The following CYP7B1 variants were observed in gnomAD, a reference collection of about 807,000 sequenced individuals.
CYP7B1 encodes cytochrome P450 7B1.
CYP7B1 carries 29 observed loss-of-function variants against 42.7 expected under a neutral mutation model. The ratio of observed to expected loss-of-function variants is 0.68; its 90% CI spans 0.51 to 0.93. The LOEUF (loss-of-function observed/expected upper bound fraction) is 0.93, where lower values mean the gene tolerates loss of function less well. Ranked by LOEUF, CYP7B1 falls within the 40% of genes least tolerant of loss-of-function variation. The pLI, the probability that CYP7B1 is intolerant of heterozygous loss-of-function variation, is 0.00. For missense variants in CYP7B1, 655 were observed against 600.5 expected, an observed-to-expected ratio of 1.09 and a Z score of -0.95; for synonymous variants, 235 against 218.2, an observed-to-expected ratio of 1.08 and a Z score of -0.68.
intron 1 of CYP7B1, among the ~76,000 whole-genome samples, chr8:64,667,970 T>A (rs1459841930): frequency 6.6e-6 from 1 of 152,220 alleles, no homozygotes; most frequent in Non-Finnish European, 1.5e-5. Flanking sequence ...AAATTCTCTG[T>A]ACAACTCTGA....
At chr8:64,764,081 T>G (rs1167461852) in intron 1 of CYP7B1, among the ~76,000 whole-genome samples, 11 of 152,090 alleles carry the variant, frequency 7.2e-5, no homozygotes, top group Non-Finnish European at 1.5e-4. Flanking sequence ...CCTCCCAATT[T>G]AGGTATACAG....
At chr8:64,637,813 T>C (rs1805795856) in intron 1 of CYP7B1, among the ~76,000 whole-genome samples, 2 of 152,186 alleles carry the variant, frequency 1.3e-5, no homozygotes, top group Admixed American at 6.6e-5. Flanking sequence ...GCCTCATTTC[T>C]ATGTACTCAT....
intron 1 of CYP7B1, among the ~76,000 whole-genome samples, chr8:64,629,409 A>G (rs953761086): frequency 6.6e-6 from 1 of 152,194 alleles, no homozygotes; most frequent in Non-Finnish European, 1.5e-5. Flanking sequence ...AAATAAAATT[A>G]CGTATTTATT....
chr8:64,765,265 T>A (rs967695976), intron 1 of CYP7B1, among the ~76,000 whole-genome samples: 3 of 152,230 alleles, frequency 2.0e-5, no homozygotes, highest in African/African-American at 7.2e-5. Context: ...ACCTGCATTA[T>A]CCTAATCTTG....
intron 1 of CYP7B1, among the ~76,000 whole-genome samples, chr8:64,657,976 A>G (rs2129631351): frequency 6.6e-6 from 1 of 152,312 alleles, no homozygotes; most frequent in Non-Finnish European, 1.5e-5. Context: ...AGATCAAGGC[A>G]TCGTGTAAGG....
chr8:64,739,112 C>G (rs1392662589), intron 1 of CYP7B1, among the ~76,000 whole-genome samples: 1 of 152,176 alleles, frequency 6.6e-6, no homozygotes, highest in Non-Finnish European at 1.5e-5. Context: ...TTTACCAGAG[C>G]CTTACCCCCG....
chr8:64,695,705 C>A (rs1353168656), intron 1 of CYP7B1, among the ~76,000 whole-genome samples: 5 of 136,910 alleles, frequency 3.7e-5, no homozygotes, highest in African/African-American at 1.1e-4. Context: ...CGTGGACAGA[C>A]AATGGATGTG....
At chr8:64,668,867 T>C (rs1806322901) in intron 1 of CYP7B1, among the ~76,000 whole-genome samples, 1 of 152,154 alleles carries the variant, frequency 6.6e-6, no homozygotes, top group East Asian at 1.9e-4. Context: ...AAGTTTCCTC[T>C]AATTACTAAA....
intron 1 of CYP7B1, among the ~76,000 whole-genome samples, chr8:64,647,156 G>A (rs1474112518): frequency 6.6e-6 from 1 of 152,120 alleles, no homozygotes; most frequent in Non-Finnish European, 1.5e-5. Flanking sequence ...GAAAAAGATG[G>A]GGGAATGGTT....
intron 1 of CYP7B1, among the ~76,000 whole-genome samples, chr8:64,721,529 A>G (rs1807236355): frequency 6.6e-6 from 1 of 152,188 alleles, no homozygotes; most frequent in Admixed American, 6.6e-5. Flanking sequence ...ACTTTAAGCA[A>G]AACCAATGTA....
chr8:64,769,368 T>C (rs1804178046), intron 1 of CYP7B1, among the ~76,000 whole-genome samples: 1 of 152,094 alleles, frequency 6.6e-6, no homozygotes, highest in Admixed American at 6.5e-5. Flanking sequence ...AAAGATGAAG[T>C]AGGAAAGACT....
chr8:64,612,037 C>A (rs1427808078), intron 4 of CYP7B1, among the ~76,000 whole-genome samples: 1 of 152,086 alleles, frequency 6.6e-6, no homozygotes, highest in African/African-American at 2.4e-5. Context: ...TGGTATTCAT[C>A]AAGCTTATTT....
intron 1 of CYP7B1, among the ~76,000 whole-genome samples, chr8:64,735,600 A>C (rs751080081): frequency 6.6e-6 from 1 of 152,174 alleles, no homozygotes; most frequent in Non-Finnish European, 1.5e-5. Context: ...TCATGTATAC[A>C]TGAGGTATAC....
intron 1 of CYP7B1, among the ~76,000 whole-genome samples, chr8:64,769,425 A>G (rs1410165228): frequency 2.0e-5 from 3 of 152,194 alleles, no homozygotes; most frequent in Non-Finnish European, 4.4e-5. Flanking sequence ...TAGAAAAAAA[A>G]TAAAGTCTAT....
intron 1 of CYP7B1, among the ~76,000 whole-genome samples, chr8:64,718,488 G>C (rs867451679): frequency 6.6e-6 from 1 of 152,178 alleles, no homozygotes; most frequent in Non-Finnish European, 1.5e-5. Context: ...GGGACATGCT[G>C]CCCTAGCCCC....
intron 1 of CYP7B1, among the ~76,000 whole-genome samples, chr8:64,793,857 C>T (rs1281984715): frequency 6.6e-6 from 1 of 151,768 alleles, no homozygotes; most frequent in Non-Finnish European, 1.5e-5. Context: ...AGAAATATGT[C>T]ACCTAGATAT....
chr8:64,624,631 T>C (rs892831977), intron 1 of CYP7B1, 92 bp from the exon 2 acceptor site: 7 of 1,432,860 alleles, frequency 4.9e-6, no homozygotes, highest in Non-Finnish European at 5.8e-6. Flanking sequence ...ATCTAGAAGG[T>C]GACTGCATGG....
At chr8:64,761,165 G>A (rs933694035) in intron 1 of CYP7B1, among the ~76,000 whole-genome samples, 8 of 152,110 alleles carry the variant, frequency 5.3e-5, no homozygotes, top group Non-Finnish European at 7.4e-5. Context: ...AGAGTAGAAT[G>A]GTAGTTGCTA....
chr8:64,749,835 G>A (rs1807701396), intron 1 of CYP7B1, among the ~76,000 whole-genome samples: 1 of 152,156 alleles, frequency 6.6e-6, no homozygotes, highest in Non-Finnish European at 1.5e-5. Context: ...GAAGGGGAAG[G>A]AGAAGAGAAA....
Sources: gnomAD v4.1 joint callset for allele counts (sites outside exome capture counted in the v4.1 genomes callset) on GRCh38, gnomAD v4.1.1 for gene constraint, MANE v1.5 for transcripts, NCBI Gene and HGNC (gene_info 2026-07-23, HGNC 2026-07-21) for gene names.